The following GALNTL6 variants were observed in gnomAD, a reference collection of about 807,000 sequenced individuals.
GALNTL6 encodes the protein polypeptide N-acetylgalactosaminyltransferase-like 6.
Under a neutral mutation model 73.7 loss-of-function variants are expected in GALNTL6, and 46 were observed. The observed-to-expected ratio is 0.62, with a 90% CI of 0.49 to 0.80. The LOEUF (loss-of-function observed/expected upper bound fraction) is 0.80. Among genes scored for constraint, GALNTL6 ranks in the 30% least tolerant of loss-of-function variants. GALNTL6 has a pLI of 0.00. For missense variants in GALNTL6, 604 were observed against 755.0 expected (o/e 0.80, Z 2.34); for synonymous variants, 259 against 263.7 (o/e 0.98, Z 0.17).
rs577053364 is a variant in GALNTL6 at position 172,369,784 on chromosome 4, G to C, written c.553+21095G>C. On this transcript the variant is annotated intron_variant, in intron 5 of 12. Transcript: ENST00000506823. ...TCTGAGTGCAGATCCCACCGAGCCTGCGCCCACCTGGAACTCGCACTTGTG... is the reference window on the plus strand; with the variant it reads ...TCTGAGTGCAGATCCCACCGAGCCTCCGCCCACCTGGAACTCGCACTTGTG... Among the ~76,000 whole-genome samples, 11 of 152,276 alleles carry C rather than the reference G, an allele frequency of 7.2e-5. No individual in the cohort carries two copies. In the East Asian group the frequency reaches 2.1e-3, roughly 29 times the overall value.
At chr4:172,547,087 G>A (rs1735799985) in intron 5 of GALNTL6, among the ~76,000 whole-genome samples, 1 of 151,776 alleles carries the variant, frequency 6.6e-6, no homozygotes, top group African/African-American at 2.4e-5. Context: ...AACTATTATA[G>A]GAAAGTCATC....
chr4:172,759,570 C>T (rs1043092162), intron 5 of GALNTL6, among the ~76,000 whole-genome samples: 1 of 152,164 alleles, frequency 6.6e-6, no homozygotes, highest in Non-Finnish European at 1.5e-5. Flanking sequence ...TTTAGGGTCT[C>T]CTCCCATAGG....
chr4:173,006,087 T>C (rs1372010903), intron 10 of GALNTL6, among the ~76,000 whole-genome samples: 1 of 152,104 alleles, frequency 6.6e-6, no homozygotes, highest in Non-Finnish European at 1.5e-5. Flanking sequence ...CCCCACATCC[T>C]CCTTTTCCAG....
intron 12 of GALNTL6, among the ~76,000 whole-genome samples, chr4:173,036,749 T>G (rs1022855331): frequency 1.2e-4 from 19 of 152,148 alleles, no homozygotes; most frequent in Non-Finnish European, 2.6e-4. Flanking sequence ...ACAACCTAGT[T>G]AAAAGCACAG....
intron 5 of GALNTL6, among the ~76,000 whole-genome samples, chr4:172,430,273 A>AG (rs1262366438): frequency 6.6e-6 from 1 of 151,944 alleles, no homozygotes. Context: ...TGATGTGGAG[A>AG]GGGGGGTAGG....
At chr4:172,038,395 A>G (rs72698955) in intron 2 of GALNTL6, among the ~76,000 whole-genome samples, 3,994 of 152,248 alleles carry the variant, frequency 0.026, 84 homozygotes, top group East Asian at 0.081. Context: ...AAGAGAGTTT[A>G]TATATTCTAT....
At chr4:172,159,695 A>G (rs1437501674) in intron 2 of GALNTL6, among the ~76,000 whole-genome samples, 1 of 152,200 alleles carries the variant, frequency 6.6e-6, no homozygotes, top group Non-Finnish European at 1.5e-5. Flanking sequence ...ATCACTCCAG[A>G]TCATGTAGTA....
intron 2 of GALNTL6, among the ~76,000 whole-genome samples, chr4:172,160,990 C>T (rs1184277332): frequency 6.6e-6 from 1 of 150,886 alleles, no homozygotes; most frequent in Admixed American, 6.6e-5. Context: ...GGGGAAGGAT[C>T]TAGTATTGAG....
chr4:172,027,627 TG>T, intron 2 of GALNTL6, among the ~76,000 whole-genome samples: 1 of 151,686 alleles, frequency 6.6e-6, no homozygotes. Context: ...AAAAATCACA[TG>T]TCTCTCACTT....
At chr4:172,533,922 T>G (rs773532977) in intron 5 of GALNTL6, among the ~76,000 whole-genome samples, 22 of 152,188 alleles carry the variant, frequency 1.4e-4, no homozygotes, top group Non-Finnish European at 2.5e-4. Flanking sequence ...ATATGGTGAT[T>G]TTGCAGTGAT....
chr4:172,122,997 A>G lies in GALNTL6; in HGVS notation c.139-106659A>G, dbSNP rs149401559. ...TGTTTTATAGCTTTTCTTTAGAAAC[A>G]AAACATTTTTCTCTTTACATTGATC... On this transcript the variant is annotated intron_variant, in intron 2 of 12. Transcript: ENST00000506823. 4.7e-3 allele frequency among the ~76,000 whole-genome samples: 716 copies of G among 152,340 alleles called. 5 individuals are homozygous for G. The highest frequency in any genetic ancestry group is 0.017 in the African/African-American group (686 of 41,570).
chr4:172,368,395 C>A (rs10034066), intron 5 of GALNTL6, among the ~76,000 whole-genome samples: 38,317 of 151,780 alleles, frequency 0.25, 5,738 homozygotes, highest in African/African-American at 0.4. Flanking sequence ...CAAATAACAA[C>A]AACAAAAAAA....
intron 5 of GALNTL6, among the ~76,000 whole-genome samples, chr4:172,641,372 G>A (rs956071663): frequency 1.3e-5 from 2 of 152,014 alleles, no homozygotes; most frequent in African/African-American, 4.8e-5. Flanking sequence ...TGCCAGTTCT[G>A]GGCCCAACTC....
At chr4:172,192,150 G>C (rs941222288) in intron 2 of GALNTL6, among the ~76,000 whole-genome samples, 22 of 151,636 alleles carry the variant, frequency 1.5e-4, no homozygotes, top group African/African-American at 5.3e-4. Context: ...AAGAAGCTAT[G>C]GTAAATGTTA....
chr4:172,676,448 C>T (rs1732307150), intron 5 of GALNTL6, among the ~76,000 whole-genome samples: 1 of 152,156 alleles, frequency 6.6e-6, no homozygotes, highest in South Asian at 2.1e-4. Context: ...TATTCTACTG[C>T]ACTCTCTCAT....
chr4:172,819,955 A>T (rs1216140457), intron 7 of GALNTL6, among the ~76,000 whole-genome samples: 2 of 152,354 alleles, frequency 1.3e-5, no homozygotes, highest in East Asian at 3.9e-4. Context: ...CTGGTAAGTG[A>T]ATATCGCAAA....
At chr4:171,844,558 A>G (rs1053674181) in intron 2 of GALNTL6, among the ~76,000 whole-genome samples, 6 of 152,124 alleles carry the variant, frequency 3.9e-5, no homozygotes, top group Non-Finnish European at 8.8e-5. Flanking sequence ...AGAGCTTTAG[A>G]TGAAGTAGGC....
chr4:172,793,063 C>T (rs1483080239), intron 5 of GALNTL6, among the ~76,000 whole-genome samples: 1 of 152,108 alleles, frequency 6.6e-6, no homozygotes, highest in Non-Finnish European at 1.5e-5. Flanking sequence ...CTACAGCCTA[C>T]AAGACTCTGA....
At chr4:171,954,391 GTTGT>G (rs1738982206) in intron 2 of GALNTL6, among the ~76,000 whole-genome samples, 8 of 152,272 alleles carry the variant, frequency 5.3e-5, no homozygotes, top group Non-Finnish European at 1.0e-4. Flanking sequence ...ACTAGCTTGT[GTTGT>G]ATAGTTATAC....
Sources: allele counts gnomAD v4.1 joint callset (sites outside exome capture counted in the v4.1 genomes callset), GRCh38; gene constraint gnomAD v4.1.1; transcripts MANE v1.5; gene names NCBI Gene and HGNC (gene_info 2026-07-23, HGNC 2026-07-21).